The following LTN1 variants were observed in gnomAD, a reference collection of about 807,000 sequenced individuals.
LTN1 encodes the protein E3 ubiquitin-protein ligase listerin.
In LTN1, 88 loss-of-function variants were observed where a neutral mutation model predicts 201.2. The ratio of observed to expected loss-of-function variants is 0.44; its 90% CI spans 0.37 to 0.52. The LOEUF (loss-of-function observed/expected upper bound fraction) is 0.52. Among genes scored for constraint, LTN1 ranks in the 20% least tolerant of loss-of-function variants. The probability of loss-of-function intolerance (pLI) is 0.00; values close to 1 mark genes in which losing one functional copy is unlikely to be tolerated. For missense variants in LTN1, 1,752 were observed against 2,038.7 expected (o/e 0.86, Z 2.71); for synonymous variants, 645 against 713.5 (o/e 0.90, Z 1.53).
chr21:28,943,401 G>T, intron 23 of LTN1, 65 bp from the exon 24 acceptor site: 1 of 979,854 alleles, frequency 1.0e-6, no homozygotes, highest in Non-Finnish European at 1.6e-6. Context: ...GTGCTCAAGA[G>T]CAGAAAGACC....
rs1271929732 is a variant in LTN1, at chr21:28,960,496, CA to C, written c.2353+20del. 6.3e-7 allele frequency: 1 copy of C among 1,590,378 alleles called. No homozygotes were observed. Among genetic ancestry groups the C allele is most frequent in the South Asian group, 1.1e-5 (1 of 88,686 alleles). On this transcript the variant is annotated intron_variant, in intron 12 of 29. Transcript: ENST00000361371. Reference sequence around the variant, plus strand: ...AAATGGACTATTCCCCATTAGAAAACAAAAGCCATATTTGTCCTACCATTTT... The same window carrying C: ...AAATGGACTATTCCCCATTAGAAAACAAAGCCATATTTGTCCTACCATTTT...
intron 6 of LTN1, among the ~76,000 whole-genome samples, chr21:28,977,209 A>T (rs558958140): frequency 2.0e-5 from 3 of 152,200 alleles, no homozygotes; most frequent in African/African-American, 7.2e-5. Context: ...CCCTGTCTCT[A>T]CTAAAAATAC....
At chr21:28,983,822 C>T (rs1352708360) in intron 4 of LTN1, among the ~76,000 whole-genome samples, 1 of 152,138 alleles carries the variant, frequency 6.6e-6, no homozygotes, top group Non-Finnish European at 1.5e-5. Flanking sequence ...TTATCAATTC[C>T]CTCCTCACTT....
chr21:28,970,500 A>G (rs944677791), intron 8 of LTN1, 52 bp downstream of exon 8: 8 of 1,256,970 alleles, frequency 6.4e-6, no homozygotes, highest in Non-Finnish European at 7.9e-6. Context: ...AAATGAGTAT[A>G]AAAACAAGAA....
At position 28,977,235 on chromosome 21, in the gene LTN1, G is replaced by A. The variant is rs988454295; in HGVS notation, c.810+3884C>T. On this transcript the variant is annotated intron_variant, in intron 6 of 29. Transcript: ENST00000361371. ...CTAAAAATACAAAAATTAGCTGGGC[G>A]TGGTGGCAGGCACCTGTAATCCCAG... Among the ~76,000 whole-genome samples, 7 of 151,864 alleles carry A rather than the reference G, an allele frequency of 4.6e-5. No homozygotes were observed. In the East Asian group the frequency reaches 1.2e-3, roughly 25 times the overall value.
intron 1 of LTN1, among the ~76,000 whole-genome samples, chr21:28,988,994 T>C (rs2084724099): frequency 1.3e-5 from 2 of 151,356 alleles, no homozygotes; most frequent in African/African-American, 2.4e-5. Context: ...AATAAAAGAA[T>C]GGCTACTCCA....
rs779404889 is a variant in LTN1, at chr21:28,986,394, A to G, written c.247-157T>C. On this transcript the variant is annotated intron_variant, in intron 2 of 29. Coordinates refer to ENST00000361371, the MANE Select transcript of LTN1 (RefSeq NM_015565.3). This position sits in a 1 kb window ranked among gnomAD's most constrained non-coding sequence, Gnocchi z 4.1. ...AGTTTGAAGAGCTCTTTCACAGGCT[A>G]CTACGGTAGAAACTCTTCAGTTGTT... 2 of 686,320 alleles carry G rather than the reference A, an allele frequency of 2.9e-6. No homozygotes were observed. Among genetic ancestry groups the G allele is most frequent in the Non-Finnish European group, 5.2e-6 (2 of 382,714 alleles). 42.5% of individuals were successfully genotyped at this position (686,320 alleles called of 1,614,324 possible).
intron 14 of LTN1, 65 bp from the exon 15 acceptor site, chr21:28,957,541 C>T: frequency 9.0e-7 from 1 of 1,113,154 alleles, no homozygotes; most frequent in Non-Finnish European, 1.2e-6. Flanking sequence ...TACCCCAATA[C>T]ATATTAAATA....
intron 1 of LTN1, among the ~76,000 whole-genome samples, chr21:28,988,903 T>C (rs1357333387): frequency 1.3e-5 from 2 of 151,280 alleles, no homozygotes; most frequent in Non-Finnish European, 2.9e-5. Flanking sequence ...GGGCAGAGAT[T>C]GCAGTGAGTC....
rs768520074 is a variant in LTN1 at position 28,932,643 on chromosome 21, G to C, written c.4897C>G (p.Arg1633Gly). The change falls in exon 28 of 30, where the codon CGA becomes GGA. Residue 1633 changes from arginine (R) to glycine (G), a missense_variant. By Grantham distance (125) the Arg-to-Gly change is moderately radical. Transcript: ENST00000361371. The part of the protein sequence containing the change: ...GMTVKARATT[R>G]EVMATYTIED... ...ATAGTATAAGTAGCCATTACCTCTC[G>C]AGTAGTAGCTCGAGCTTTAACCTGC... The C allele has an allele frequency of 1.2e-6, 2 of 1,611,148 alleles. No individual in the cohort carries two copies. The highest frequency in any genetic ancestry group is 1.3e-5 in the African/African-American group (1 of 74,888).
intron 18 of LTN1, among the ~76,000 whole-genome samples, chr21:28,950,525 T>A (rs1187557902): frequency 6.6e-6 from 1 of 152,084 alleles, no homozygotes; most frequent in Non-Finnish European, 1.5e-5. Flanking sequence ...TCATTTTTTG[T>A]CTTGTTTTGA....
At chr21:28,946,402 A>T (rs2084338478) in intron 19 of LTN1, 115 bp from the exon 20 acceptor site, 4 of 619,408 alleles carry the variant, frequency 6.5e-6, no homozygotes, top group Non-Finnish European at 1.0e-5. Flanking sequence ...CAGGTTAAGA[A>T]CTCTAATAAT....
At chr21:28,984,373 G>A (rs922615405) in intron 4 of LTN1, among the ~76,000 whole-genome samples, 12 of 151,882 alleles carry the variant, frequency 7.9e-5, no homozygotes, top group Admixed American at 2.0e-4. Flanking sequence ...AAACACGAGA[G>A]AAAATAATTT....
At chr21:28,992,032 C>G (rs1459900040) in intron 1 of LTN1, among the ~76,000 whole-genome samples, 1 of 152,132 alleles carries the variant, frequency 6.6e-6, no homozygotes, top group African/African-American at 2.4e-5. Context: ...AAAATACTTA[C>G]GTCCTAGTGA....
intron 3 of LTN1, among the ~76,000 whole-genome samples, chr21:28,985,434 TG>T (rs1377731473): frequency 6.7e-6 from 1 of 149,480 alleles, no homozygotes; most frequent in East Asian, 2.0e-4. Context: ...CACTCCAGCC[TG>T]GGTGACAGAA....
At chr21:28,977,789 G>A (rs775294355) in intron 6 of LTN1, among the ~76,000 whole-genome samples, 8 of 151,730 alleles carry the variant, frequency 5.3e-5, no homozygotes, top group Non-Finnish European at 1.0e-4. Context: ...TTAGCCAGGC[G>A]TGGTGGTGGG....
At chr21:28,964,026 A>G (rs1207091204) in intron 11 of LTN1, among the ~76,000 whole-genome samples, 1 of 152,220 alleles carries the variant, frequency 6.6e-6, no homozygotes, top group Non-Finnish European at 1.5e-5. Flanking sequence ...TACAGATAAG[A>G]AAGTGGTTTC....
At chr21:28,988,138 T>C (rs1446727987) in intron 1 of LTN1, among the ~76,000 whole-genome samples, 2 of 105,836 alleles carry the variant, frequency 1.9e-5, no homozygotes, top group Non-Finnish European at 1.8e-5. Context: ...CGAGACTCTG[T>C]CTCAAAAAAA....
Position 28,967,183 on chromosome 21 carries a change from A to G in LTN1, c.1312-4T>C, listed in dbSNP as rs1293235018. On this transcript the variant is annotated splice_region_variant and splice_polypyrimidine_tract_variant and intron_variant, in intron 9 of 29. Transcript: ENST00000361371. ...CTGCATCAATAAAAGGGATCAACTG[A>G]AAGAAAAGGTAGAATATCATAAAAT... The G allele has an allele frequency of 3.8e-6, 6 of 1,590,538 alleles. No homozygotes were observed. In the African/African-American group the frequency reaches 8.2e-5, roughly 22 times the overall value.
Sources: gnomAD v4.1 joint callset for allele counts (sites outside exome capture counted in the v4.1 genomes callset) on GRCh38, gnomAD v4.1.1 for gene constraint, Gnocchi (gnomAD v3.1) non-coding constraint, MANE v1.5 for transcripts, NCBI Gene and HGNC (gene_info 2026-07-23, HGNC 2026-07-21) for gene names.